Variants in SLC35F3 observed in about 807,000 individuals in gnomAD.
SLC35F3 encodes the protein solute carrier family 35 member F3.
In SLC35F3, 25 loss-of-function variants were observed where a neutral mutation model predicts 49.9. That is an observed-to-expected ratio of 0.50 (90% CI 0.37 to 0.70). The LOEUF is 0.70. SLC35F3 is among the 30% of genes least tolerant of loss of function. The pLI, the probability that SLC35F3 is intolerant of heterozygous loss-of-function variation, is 0.00. For missense variants in SLC35F3, 525 were observed against 639.8 expected, an observed-to-expected ratio of 0.82 and a Z score of 1.94; for synonymous variants, 275 against 265.4, an observed-to-expected ratio of 1.04 and a Z score of -0.35.
intron 2 of SLC35F3, among the ~76,000 whole-genome samples, chr1:234,124,810 G>A (rs1665623924): frequency 6.6e-6 from 1 of 152,150 alleles, no homozygotes; most frequent in East Asian, 1.9e-4. Context: ...TGAGGTTTCA[G>A]GGAGCTATGA....
chr1:234,067,285 C>A (rs1664636134), intron 2 of SLC35F3, among the ~76,000 whole-genome samples: 1 of 152,180 alleles, frequency 6.6e-6, no homozygotes, highest in Non-Finnish European at 1.5e-5. Flanking sequence ...TTGTCGCTAC[C>A]TTTAGCATAC....
chr1:234,054,993 C>T (rs1213079658), intron 2 of SLC35F3, among the ~76,000 whole-genome samples: 2 of 152,312 alleles, frequency 1.3e-5, no homozygotes, highest in African/African-American at 4.8e-5. Flanking sequence ...GCTACCTGAT[C>T]ATTCCTCTGG....
intron 2 of SLC35F3, among the ~76,000 whole-genome samples, chr1:233,971,717 C>CAAA (rs59905472): frequency 1.2e-4 from 14 of 117,346 alleles, no homozygotes; most frequent in Middle Eastern, 4.4e-3. Flanking sequence ...GACTCCGACT[C>CAAA]AAAAAAAAAA....
chr1:233,916,356 C>T (rs1392532600), intron 2 of SLC35F3, among the ~76,000 whole-genome samples: 1 of 152,224 alleles, frequency 6.6e-6, no homozygotes, highest in Non-Finnish European at 1.5e-5. Flanking sequence ...CAGCCTCTAA[C>T]TCCTGGGCTC....
chr1:234,163,475 G>C (rs991998855), intron 2 of SLC35F3, among the ~76,000 whole-genome samples: 2 of 152,176 alleles, frequency 1.3e-5, no homozygotes, highest in Non-Finnish European at 2.9e-5. Context: ...GTGAGTGAGT[G>C]AGTGAGAGTG....
At chr1:234,152,084 A>G (rs895216068) in intron 2 of SLC35F3, among the ~76,000 whole-genome samples, 10 of 149,172 alleles carry the variant, frequency 6.7e-5, no homozygotes, top group African/African-American at 2.2e-4. Context: ...TTGTAAAGTT[A>G]TGGGAGTTTA....
At chr1:234,287,199 A>T (rs1168373128) in intron 3 of SLC35F3, among the ~76,000 whole-genome samples, 2 of 151,714 alleles carry the variant, frequency 1.3e-5, no homozygotes, top group Admixed American at 6.6e-5. Flanking sequence ...ACCCTAAAAA[A>T]TAAATAAAAA....
chr1:233,987,532 T>G (rs1216035859), intron 2 of SLC35F3, among the ~76,000 whole-genome samples: 1 of 151,996 alleles, frequency 6.6e-6, no homozygotes, highest in Non-Finnish European at 1.5e-5. Flanking sequence ...ATCTATCTTT[T>G]CTCTTTGGAA....
intron 2 of SLC35F3, among the ~76,000 whole-genome samples, chr1:234,103,247 C>A (rs1423721844): frequency 6.6e-6 from 1 of 152,006 alleles, no homozygotes; most frequent in Non-Finnish European, 1.5e-5. Context: ...TGGTACCCAC[C>A]CCCACCCTCT....
intron 2 of SLC35F3, among the ~76,000 whole-genome samples, chr1:233,937,641 A>G (rs1662355965): frequency 1.3e-5 from 2 of 152,260 alleles, no homozygotes; most frequent in African/African-American, 2.4e-5. Flanking sequence ...GAAGTATTTG[A>G]AAAAGGGAAG....
chr1:234,275,500 A>G (rs1668189641), intron 3 of SLC35F3, among the ~76,000 whole-genome samples: 1 of 152,146 alleles, frequency 6.6e-6, no homozygotes, highest in African/African-American at 2.4e-5. Flanking sequence ...TCAATATTGC[A>G]GAGACAGAGG....
intron 2 of SLC35F3, among the ~76,000 whole-genome samples, chr1:234,064,954 G>A (rs1313204765): frequency 2.0e-5 from 3 of 152,134 alleles, no homozygotes; most frequent in African/African-American, 7.2e-5. Flanking sequence ...TTTTATAAGA[G>A]GTAAAAAGAA....
chr1:234,118,480 G>T (rs1408405883), intron 2 of SLC35F3, among the ~76,000 whole-genome samples: 1 of 152,130 alleles, frequency 6.6e-6, no homozygotes, highest in Non-Finnish European at 1.5e-5. Flanking sequence ...TATCGCTGGC[G>T]GGCTATGAAT....
chr1:234,275,281 G>A (rs1409141979), intron 3 of SLC35F3, among the ~76,000 whole-genome samples: 1 of 151,822 alleles, frequency 6.6e-6, no homozygotes, highest in Non-Finnish European at 1.5e-5. Context: ...TTTAGACTTG[G>A]GTTCCGTCCC....
intron 2 of SLC35F3, among the ~76,000 whole-genome samples, chr1:233,922,324 G>A (rs570774389): frequency 6.6e-6 from 1 of 152,082 alleles, no homozygotes; most frequent in South Asian, 2.1e-4. Context: ...ACTTTTTAAT[G>A]ATCGCCATTC....
At chr1:234,188,334 T>C (rs1396830141) in intron 2 of SLC35F3, among the ~76,000 whole-genome samples, 1 of 151,778 alleles carries the variant, frequency 6.6e-6, no homozygotes, top group African/African-American at 2.4e-5. Context: ...GGAAACAGAC[T>C]CAGTGCTGGT....
At chr1:234,123,535 G>A (rs1177970264) in intron 2 of SLC35F3, among the ~76,000 whole-genome samples, 1 of 151,882 alleles carries the variant, frequency 6.6e-6, no homozygotes, top group Non-Finnish European at 1.5e-5. Flanking sequence ...TCAGTCTCCC[G>A]AGTAGCTGGG....
At chr1:233,945,820 A>G (rs1662504493) in intron 2 of SLC35F3, among the ~76,000 whole-genome samples, 1 of 152,200 alleles carries the variant, frequency 6.6e-6, no homozygotes, top group African/African-American at 2.4e-5. Context: ...ACCTTCGACC[A>G]TGATTGTGAG....
At chr1:234,086,126 A>G (rs1274832267) in intron 2 of SLC35F3, among the ~76,000 whole-genome samples, 2 of 152,244 alleles carry the variant, frequency 1.3e-5, no homozygotes, top group Non-Finnish European at 2.9e-5. Flanking sequence ...GAATGAATGT[A>G]TGCATTAGTT....
Sources: gnomAD v4.1 joint callset for allele counts (sites outside exome capture counted in the v4.1 genomes callset) on GRCh38, gnomAD v4.1.1 for gene constraint, MANE v1.5 for transcripts, NCBI Gene and HGNC (gene_info 2026-07-23, HGNC 2026-07-21) for gene names.